JAK1: variants seen among roughly 807,000 people sequenced by gnomAD.
JAK1 encodes tyrosine-protein kinase JAK1.
In JAK1, 16 loss-of-function variants were observed where a neutral mutation model predicts 136.6. The ratio of observed to expected loss-of-function variants is 0.12; its 90% confidence interval spans 0.08 to 0.18. The LOEUF (loss-of-function observed/expected upper bound fraction) is 0.18. JAK1 is among the 10% of genes least tolerant of loss of function. The pLI is 1.00. For missense variants in JAK1, 859 were observed against 1,450.1 expected, an observed-to-expected ratio of 0.59 and a Z score of 6.62; for synonymous variants, 492 against 519.5, an observed-to-expected ratio of 0.95 and a Z score of 0.72.
intron 1 of JAK1, among the ~76,000 whole-genome samples, chr1:65,058,899 C>G (rs7536540): frequency 0.65 from 99,263 of 151,952 alleles, 33,498 homozygotes; most frequent in South Asian, 0.75. Context: ...GGAACTACTA[C>G]GTTCTAAAGC....
chr1:65,046,348 C>T (rs1484833172), intron 1 of JAK1, among the ~76,000 whole-genome samples: 1 of 152,168 alleles, frequency 6.6e-6, no homozygotes, highest in South Asian at 2.1e-4. Flanking sequence ...GAGGCCATGC[C>T]AAAGGGAGCC....
intron 2 of JAK1, among the ~76,000 whole-genome samples, chr1:65,012,653 A>G (rs1424097134): frequency 1.3e-5 from 2 of 152,178 alleles, no homozygotes; most frequent in East Asian, 3.9e-4. Context: ...TTAGCTAGGC[A>G]TGATGGTGTG....
intron 1 of JAK1, among the ~76,000 whole-genome samples, chr1:64,947,275 T>C (rs967319746): frequency 3.9e-5 from 6 of 152,336 alleles, no homozygotes; most frequent in Non-Finnish European, 8.8e-5. Context: ...AGCTGACATC[T>C]GTTTTTATCT....
At chr1:65,062,763 CTG>C (rs1426667176) in intron 1 of JAK1, among the ~76,000 whole-genome samples, 2 of 152,220 alleles carry the variant, frequency 1.3e-5, no homozygotes, top group African/African-American at 2.4e-5. Context: ...AAGTCAGAAA[CTG>C]TTTTACTCAT....
At chr1:64,868,316 G>C (rs1297358854) in intron 6 of JAK1, among the ~76,000 whole-genome samples, 1 of 152,106 alleles carries the variant, frequency 6.6e-6, no homozygotes, top group Non-Finnish European at 1.5e-5. Context: ...GTTACTCCCA[G>C]GACTGAGACA....
At chr1:64,948,782 A>G (rs536191214) in intron 1 of JAK1, among the ~76,000 whole-genome samples, 2 of 152,340 alleles carry the variant, frequency 1.3e-5, no homozygotes, top group African/African-American at 4.8e-5. Flanking sequence ...CTCCCACAGG[A>G]CTATCTTCCA....
Position 64,855,492 on chromosome 1 carries a change from G to A in JAK1, c.1648+17C>T, listed in dbSNP as rs777899463. ...TACTGATGGGATACAGCCTGGCTCTGGCACAGGGAGACGAACCTCGGGGCT... is the reference window on the plus strand; with the variant it reads ...TACTGATGGGATACAGCCTGGCTCTAGCACAGGGAGACGAACCTCGGGGCT... On this transcript the variant is annotated intron_variant, in intron 11 of 24. Coordinates refer to ENST00000342505, the MANE Select transcript of JAK1 (RefSeq NM_002227.4). The A allele has an allele frequency of 3.1e-6, 5 of 1,612,226 alleles. No homozygotes were observed. Among genetic ancestry groups the A allele is most frequent in the East Asian group, 4.5e-5 (2 of 44,860 alleles).
intron 1 of JAK1, among the ~76,000 whole-genome samples, chr1:64,931,377 C>T (rs1374561032): frequency 6.6e-6 from 1 of 152,072 alleles, no homozygotes; most frequent in Non-Finnish European, 1.5e-5. Context: ...GGGCCATTCC[C>T]ATCGAAAGTA....
chr1:64,963,059 G>A (rs1455397745), intron 1 of JAK1, among the ~76,000 whole-genome samples: 1 of 152,098 alleles, frequency 6.6e-6, no homozygotes, highest in Non-Finnish European at 1.5e-5. Context: ...GCGACAGAGT[G>A]AGACACCATC....
chr1:64,980,467 A>T (rs1054239035), intron 2 of JAK1, among the ~76,000 whole-genome samples: 1 of 150,310 alleles, frequency 6.7e-6, no homozygotes, highest in Non-Finnish European at 1.5e-5. Context: ...TCCATTGCAG[A>T]TTGCCCCCCA....
intron 19 of JAK1, 41 bp downstream of exon 19, chr1:64,841,204 G>A (rs767906082): frequency 7.2e-7 from 1 of 1,388,472 alleles, no homozygotes; most frequent in Non-Finnish European, 1.0e-6. Flanking sequence ...GGATGGCGGA[G>A]GGCTCTGCCA....
At chr1:64,864,718 A>C in intron 8 of JAK1, 69 bp downstream of exon 8, 1 of 1,209,950 alleles carries the variant, frequency 8.3e-7, no homozygotes, top group Non-Finnish European at 1.2e-6. Context: ...CATGTGCTGC[A>C]GAACGGAACT....
chr1:64,943,428 C>T (rs1479385692), intron 1 of JAK1, among the ~76,000 whole-genome samples: 4 of 151,900 alleles, frequency 2.6e-5, no homozygotes, highest in South Asian at 4.2e-4. Context: ...TGTAAATTTT[C>T]GAATGTGTTA....
At chr1:64,968,812 A>G (rs1003883723), upstream of JAK1, among the ~76,000 whole-genome samples, 6 of 152,072 alleles carry the variant, frequency 3.9e-5, no homozygotes, top group Non-Finnish European at 5.9e-5. Context: ...GGAACCTGTA[A>G]TCTCAGCTAC....
chr1:65,049,447 C>T (rs915136084), intron 1 of JAK1, among the ~76,000 whole-genome samples: 2 of 152,044 alleles, frequency 1.3e-5, no homozygotes, highest in African/African-American at 4.8e-5. Context: ...ACAAAAAACA[C>T]AACCCAAACA....
chr1:64,941,240 T>C (rs1013536039), intron 1 of JAK1, among the ~76,000 whole-genome samples: 1 of 152,070 alleles, frequency 6.6e-6, no homozygotes, highest in Admixed American at 6.6e-5. Flanking sequence ...ATCTAGAAAA[T>C]GGTTAACCCA....
At chr1:64,837,899 C>G in intron 22 of JAK1, 33 bp downstream of exon 22, 1 of 1,578,874 alleles carries the variant, frequency 6.3e-7, no homozygotes, top group East Asian at 2.2e-5. Flanking sequence ...CTCTATGAAG[C>G]ATTGATAAAA....
chr1:64,955,928 T>C (rs1280821572), intron 1 of JAK1, among the ~76,000 whole-genome samples: 2 of 152,202 alleles, frequency 1.3e-5, no homozygotes, highest in African/African-American at 2.4e-5. Context: ...TCCTGGCCTG[T>C]GAGCCAAATC....
chr1:65,031,037 C>T (rs1298869538), intron 2 of JAK1, among the ~76,000 whole-genome samples: 1 of 151,438 alleles, frequency 6.6e-6, no homozygotes, highest in African/African-American at 2.4e-5. Context: ...ACCTGTAGTC[C>T]CAGCTACTCA....
Sources: gnomAD v4.1 joint callset for allele counts (sites outside exome capture counted in the v4.1 genomes callset) on GRCh38, gnomAD v4.1.1 for gene constraint, MANE v1.5 for transcripts, NCBI Gene and HGNC (gene_info 2026-07-23, HGNC 2026-07-21) for gene names.